Variants in CFDP1 observed in about 807,000 individuals in gnomAD.
CFDP1 encodes heterochromatin-stabilizing protein CFDP1.
In CFDP1, 31 loss-of-function variants were observed where a neutral mutation model predicts 40.1. The ratio of observed to expected loss-of-function variants is 0.77; its 90% CI spans 0.58 to 1.04. The LOEUF (loss-of-function observed/expected upper bound fraction) is 1.04, where lower values mean the gene tolerates loss of function less well. Ranked by LOEUF, CFDP1 falls within the 50% of genes least tolerant of loss-of-function variation. The pLI, the probability that CFDP1 is intolerant of heterozygous loss-of-function variation, is 0.00. For missense variants in CFDP1, 423 were observed against 343.4 expected (o/e 1.23, Z -1.83); for synonymous variants, 167 against 120.0 (o/e 1.39, Z -2.56).
chr16:75,403,282 G>A (rs545966229), intron 4 of CFDP1, among the ~76,000 whole-genome samples: 6 of 152,216 alleles, frequency 3.9e-5, no homozygotes, highest in African/African-American at 9.6e-5. Context: ...TCAGTGGCAC[G>A]ATCTCAGCAC....
In CFDP1 at chr16:75,321,018, C is replaced by G. The variant is rs142082009; in HGVS notation, c.651-15836G>C. 7.8e-3 allele frequency among the ~76,000 whole-genome samples: 1,190 copies of G among 152,200 alleles called. 10 individuals are homozygous for G. The highest frequency in any genetic ancestry group is 0.013 in the Non-Finnish European group (866 of 68,010). ...GAGATGGGATCTTGCTGGTTTTGAACTCCTGGGCTCAAGTGAACCTCCTGC... is the reference window on the plus strand; with the variant it reads ...GAGATGGGATCTTGCTGGTTTTGAAGTCCTGGGCTCAAGTGAACCTCCTGC... On this transcript the variant is annotated intron_variant, in intron 5 of 6. Coordinates refer to ENST00000283882, the MANE Select transcript of CFDP1 (RefSeq NM_006324.3).
intron 4 of CFDP1, among the ~76,000 whole-genome samples, chr16:75,407,546 G>A (rs1044647610): frequency 6.6e-6 from 1 of 151,584 alleles, no homozygotes; most frequent in Non-Finnish European, 1.5e-5. Context: ...TGGGCAAGGT[G>A]GCATATGCCT....
chr16:75,326,702 A>C (rs2078403773), intron 5 of CFDP1, among the ~76,000 whole-genome samples: 1 of 152,216 alleles, frequency 6.6e-6, no homozygotes, highest in Admixed American at 6.5e-5. Context: ...AGAGCCTAAA[A>C]TCTTCCAAGG....
At chr16:75,373,019 A>G (rs2078765436) in intron 5 of CFDP1, among the ~76,000 whole-genome samples, 2 of 152,204 alleles carry the variant, frequency 1.3e-5, no homozygotes. Context: ...CAGATCATAC[A>G]CTTGATTCCT....
chr16:75,418,531 G>C (rs529171172), intron 1 of CFDP1, among the ~76,000 whole-genome samples: 2 of 151,850 alleles, frequency 1.3e-5, no homozygotes, highest in East Asian at 2.0e-4. Context: ...AGATGGTCTC[G>C]AACTCCTGAC....
At chr16:75,411,029 G>A (rs1447923929) in intron 4 of CFDP1, among the ~76,000 whole-genome samples, 2 of 151,942 alleles carry the variant, frequency 1.3e-5, no homozygotes, top group Admixed American at 6.6e-5. Context: ...GACCAGCCTG[G>A]CCAACATGGC....
At chr16:75,428,944 G>A (rs530453899) in intron 1 of CFDP1, among the ~76,000 whole-genome samples, 5 of 151,424 alleles carry the variant, frequency 3.3e-5, no homozygotes, top group South Asian at 2.1e-4. Context: ...GTGAAATCCC[G>A]TCTCTACTAT....
intron 5 of CFDP1, among the ~76,000 whole-genome samples, chr16:75,316,920 G>T (rs1200305892): frequency 6.6e-6 from 1 of 152,220 alleles, no homozygotes; most frequent in East Asian, 1.9e-4. Flanking sequence ...GGCAGAGGTT[G>T]TGGTGAGGCG....
intron 5 of CFDP1, among the ~76,000 whole-genome samples, chr16:75,391,916 C>T (rs2078955166): frequency 6.6e-6 from 1 of 151,696 alleles, no homozygotes; most frequent in South Asian, 2.1e-4. Context: ...TGCAGTGAGC[C>T]GAGATCGCGC....
At chr16:75,392,678 A>C (rs1239709252) in intron 5 of CFDP1, among the ~76,000 whole-genome samples, 1 of 152,086 alleles carries the variant, frequency 6.6e-6, no homozygotes, top group African/African-American at 2.4e-5. Flanking sequence ...TTGCATTTTG[A>C]GTAGGCATGG....
At chr16:75,383,727 G>C (rs553747536) in intron 5 of CFDP1, among the ~76,000 whole-genome samples, 1 of 151,596 alleles carries the variant, frequency 6.6e-6, no homozygotes, top group South Asian at 2.1e-4. Context: ...GCTGAGGCAG[G>C]AGAATTGCTT....
At chr16:75,396,890 G>A (rs2078998527) in intron 4 of CFDP1, among the ~76,000 whole-genome samples, 1 of 152,048 alleles carries the variant, frequency 6.6e-6, no homozygotes, top group African/African-American at 2.4e-5. Context: ...AGTCCTCTGA[G>A]AAGTTTTTTC....
intron 5 of CFDP1, among the ~76,000 whole-genome samples, chr16:75,377,517 A>C (rs1413252734): frequency 6.6e-6 from 1 of 152,250 alleles, no homozygotes; most frequent in Non-Finnish European, 1.5e-5. Flanking sequence ...TCCATATAAC[A>C]AGCTTTCCAG....
Position 75,364,358 on chromosome 16 carries a change from G to A in CFDP1, c.650+30732C>T, listed in dbSNP as rs371664109. ...ACCAACACTGTTCTTAGCTGCCTGA[G>A]TATCCTTCCAGAGATATATTAAACC... On this transcript the variant is annotated intron_variant, in intron 5 of 6. Coordinates refer to ENST00000283882, the MANE Select transcript of CFDP1 (RefSeq NM_006324.3). Among the ~76,000 whole-genome samples the A allele has an allele frequency of 1.3e-4, 20 of 152,244 alleles. 3 individuals are homozygous for A. Among genetic ancestry groups the A allele is most frequent in the Admixed American group, 6.5e-4 (10 of 15,288 alleles).
intron 5 of CFDP1, among the ~76,000 whole-genome samples, chr16:75,364,078 G>T (rs745858170): frequency 6.6e-6 from 1 of 151,450 alleles, no homozygotes; most frequent in Admixed American, 6.6e-5. Flanking sequence ...GTCCTCTGAG[G>T]TACTTCTCCC....
intron 1 of CFDP1, among the ~76,000 whole-genome samples, chr16:75,420,015 C>A (rs1300000358): frequency 6.6e-6 from 1 of 150,806 alleles, no homozygotes; most frequent in African/African-American, 2.4e-5. Flanking sequence ...GGGTCTGGAT[C>A]CCCTTTCAGG....
intron 5 of CFDP1, among the ~76,000 whole-genome samples, chr16:75,377,125 G>T (rs993564912): frequency 6.6e-6 from 1 of 151,372 alleles, no homozygotes; most frequent in Non-Finnish European, 1.5e-5. Context: ...AGCCCCAACT[G>T]GGGGCTTGGC....
chr16:75,376,774 C>T (rs2078801884), intron 5 of CFDP1, among the ~76,000 whole-genome samples: 3 of 152,212 alleles, frequency 2.0e-5, no homozygotes, highest in Admixed American at 1.3e-4. Flanking sequence ...CTGTAAGACA[C>T]ACCCACCAGT....
rs150987819 is a variant in CFDP1, at chr16:75,410,055, CAAAAAAAAAAAAAAAAAA to C, written c.530+1752_530+1769del. ...TAGGCAACACAGCAAGACCCTTTCT[CAAAAAAAAAAAAAAAAAA>C]AAAAAAAAAAAAACCCAAAACAAAA... On this transcript the variant is annotated intron_variant, in intron 4 of 6. Transcript: ENST00000283882. Among the ~76,000 whole-genome samples, 271 of 52,578 alleles carry C rather than the reference CAAAAAAAAAAAAAAAAAA, an allele frequency of 5.2e-3. 3 individuals carry two copies. The highest frequency in any genetic ancestry group is 0.017 in the South Asian group (11 of 664). 34.5% of individuals were successfully genotyped at this position (52,578 alleles called of 152,430 possible).
Sources: allele counts gnomAD v4.1 joint callset (sites outside exome capture counted in the v4.1 genomes callset), GRCh38; gene constraint gnomAD v4.1.1; transcripts MANE v1.5; gene names NCBI Gene and HGNC (gene_info 2026-07-23, HGNC 2026-07-21).